The following LY96 variants were observed in gnomAD, a reference collection of about 807,000 sequenced individuals.
LY96 encodes the protein lymphocyte antigen 96.
Under a neutral mutation model 18.9 loss-of-function variants are expected in LY96, and 18 were observed. The observed-to-expected ratio is 0.95, with a 90% confidence interval of 0.66 to 1.41. The LOEUF (loss-of-function observed/expected upper bound fraction) is 1.41. Among genes scored for constraint, LY96 ranks in the 40% most tolerant of loss-of-function variants. The pLI is 0.00. For missense variants in LY96, 175 were observed against 182.4 expected (o/e 0.96, Z 0.23); for synonymous variants, 66 against 62.6 (o/e 1.06, Z -0.26).
chr8:74,086,943 T>A, the LY96 span, among the ~76,000 whole-genome samples: 10 of 152,232 alleles, frequency 6.6e-5, no homozygotes, highest in Non-Finnish European at 1.2e-4. Flanking sequence ...AAATTTCTGT[T>A]GTTTACAAGC....
chr8:74,040,698 G>GTTTTT, the LY96 span, among the ~76,000 whole-genome samples: 81 of 109,222 alleles, frequency 7.4e-4, no homozygotes, highest in East Asian at 1.2e-3. Flanking sequence ...CTATGTGTCT[G>GTTTTT]TTTTTTTTTT....
At chr8:74,019,037 T>C (rs1251992660) in intron 3 of LY96, among the ~76,000 whole-genome samples, 1 of 151,750 alleles carries the variant, frequency 6.6e-6, no homozygotes, top group Non-Finnish European at 1.5e-5. Context: ...AGCAAACACA[T>C]TGAAAAGCTA....
At chr8:74,005,000 AC>A in intron 2 of LY96, 115 bp downstream of exon 2, 1 of 1,103,292 alleles carries the variant, frequency 9.1e-7, no homozygotes, top group Non-Finnish European at 1.3e-6. Flanking sequence ...GTAACAAATT[AC>A]CACGATCTTT....
intron 1 of LY96, among the ~76,000 whole-genome samples, chr8:73,999,690 A>T (rs1468784968): frequency 6.6e-6 from 1 of 151,778 alleles, no homozygotes; most frequent in African/African-American, 2.4e-5. Context: ...AAAATTTTTT[A>T]AAGTTTCTAA....
chr8:74,036,291 A>G, the LY96 span, among the ~76,000 whole-genome samples: 2 of 152,234 alleles, frequency 1.3e-5, no homozygotes, highest in Non-Finnish European at 2.9e-5. Flanking sequence ...GAATTCTGCT[A>G]AAAGATAGAT....
At chr8:74,017,285 G>A (rs897754292) in intron 3 of LY96, among the ~76,000 whole-genome samples, 1 of 152,206 alleles carries the variant, frequency 6.6e-6, no homozygotes, top group Non-Finnish European at 1.5e-5. Context: ...ATTCGATCAA[G>A]TGGAAGAAAG....
At chr8:74,063,873 T>G in the LY96 span, among the ~76,000 whole-genome samples, 1 of 152,192 alleles carries the variant, frequency 6.6e-6, no homozygotes. Context: ...TTTTGGATTG[T>G]TTATACAGTC....
At chr8:74,046,851 C>T in the LY96 span, among the ~76,000 whole-genome samples, 2 of 150,482 alleles carry the variant, frequency 1.3e-5, no homozygotes, top group Non-Finnish European at 3.0e-5. Context: ...TCTTTTATGG[C>T]TTTTTGGGGG....
At chr8:74,052,867 G>A in the LY96 span, among the ~76,000 whole-genome samples, 1 of 152,168 alleles carries the variant, frequency 6.6e-6, no homozygotes, top group Non-Finnish European at 1.5e-5. Flanking sequence ...AAGAACACAC[G>A]CAGAGTTTAC....
At chr8:74,025,055 G>A (rs1419561148) in intron 3 of LY96, among the ~76,000 whole-genome samples, 1 of 152,056 alleles carries the variant, frequency 6.6e-6, no homozygotes, top group African/African-American at 2.4e-5. Flanking sequence ...TTGAACTTCT[G>A]GGCTCAAGGG....
the LY96 span, among the ~76,000 whole-genome samples, chr8:74,061,737 G>A: frequency 2.0e-5 from 3 of 152,150 alleles, no homozygotes; most frequent in Non-Finnish European, 2.9e-5. Context: ...CCTTAGTTGT[G>A]CATTTTCAAC....
At chr8:73,991,731 C>T (rs909689959) in intron 1 of LY96, among the ~76,000 whole-genome samples, 177 bp downstream of exon 1, 1 of 152,146 alleles carries the variant, frequency 6.6e-6, no homozygotes, top group Non-Finnish European at 1.5e-5. Flanking sequence ...AGAATGTTCT[C>T]GACCACTCAC....
chr8:74,080,990 CTTT>C, the LY96 span, among the ~76,000 whole-genome samples: 2 of 78,926 alleles, frequency 2.5e-5, no homozygotes, highest in East Asian at 6.5e-4. Context: ...CTCTCTCTTT[CTTT>C]CTTTCTTTCT....
the LY96 span, among the ~76,000 whole-genome samples, chr8:74,098,632 A>G: frequency 2.0e-5 from 3 of 152,206 alleles, no homozygotes; most frequent in Non-Finnish European, 4.4e-5. Context: ...GGCCTCCCAA[A>G]GTGCTGGGAT....
chr8:73,992,836 C>CTGTATGTGTG lies in LY96; in HGVS notation c.112+1285_112+1286insATGTGTGTGT, dbSNP rs1458068284. 3.6e-3 allele frequency among the ~76,000 whole-genome samples: 508 copies of CTGTATGTGTG among 141,882 alleles called. 2 individuals are homozygous for CTGTATGTGTG. Among genetic ancestry groups the CTGTATGTGTG allele is most frequent in the South Asian group, 8.3e-3 (36 of 4,358 alleles). 93.1% of individuals were successfully genotyped at this position (141,882 alleles called of 152,430 possible). A position where few individuals can be genotyped will look rare whatever the true frequency, so the allele number is the denominator to read the frequency against. On this transcript the variant is annotated intron_variant, in intron 1 of 4. Coordinates refer to ENST00000284818, the MANE Select transcript of LY96 (RefSeq NM_015364.5). ...TTTGTACCATGTGCTAATTATGCCA[C>CTGTATGTGTG]TGTGTGTGTGTGTGTGTGTGTGTGT...
chr8:74,090,820 A>G, the LY96 span, among the ~76,000 whole-genome samples: 2 of 152,228 alleles, frequency 1.3e-5, no homozygotes, highest in South Asian at 4.1e-4. Context: ...TATATATATG[A>G]AACTAACATT....
chr8:74,037,984 T>C, the LY96 span, among the ~76,000 whole-genome samples: 880 of 152,322 alleles, frequency 5.8e-3, 11 homozygotes, highest in African/African-American at 0.019. Context: ...TCCTCAAAAA[T>C]GTTTTGTTTT....
chr8:73,996,408 T>C lies in LY96; in HGVS notation c.112+4854T>C, dbSNP rs867489431. Among the ~76,000 whole-genome samples, 4 of 44,804 alleles carry C rather than the reference T, an allele frequency of 8.9e-5. 1 individual carries two copies. The highest frequency in any genetic ancestry group is 3.8e-4 in the African/African-American group (4 of 10,486). 29.4% of individuals were successfully genotyped at this position (44,804 alleles called of 152,430 possible). A position where few individuals can be genotyped will look rare whatever the true frequency, so the allele number is the denominator to read the frequency against. On this transcript the variant is annotated intron_variant, in intron 1 of 4. Transcript: ENST00000284818. ...TTCTTTCTTTCTTTCTTTCTTTCTT[T>C]CTTTCTTTCTTTCTTTCTTTCTTTC...
At chr8:74,064,346 G>C in the LY96 span, among the ~76,000 whole-genome samples, 1 of 152,192 alleles carries the variant, frequency 6.6e-6, no homozygotes, top group Non-Finnish European at 1.5e-5. Flanking sequence ...CCCAGTGTTG[G>C]AAGTAGGGCC....
Sources: gnomAD v4.1 joint callset for allele counts (sites outside exome capture counted in the v4.1 genomes callset) on GRCh38, gnomAD v4.1.1 for gene constraint, MANE v1.5 for transcripts, NCBI Gene and HGNC (gene_info 2026-07-23, HGNC 2026-07-21) for gene names.